The following NOC3L variants were observed in gnomAD, a reference collection of about 807,000 sequenced individuals.
NOC3L encodes nucleolar complex protein 3 homolog.
In NOC3L, 85 loss-of-function variants were observed where a neutral mutation model predicts 102.5. That is an observed-to-expected ratio of 0.83 (90% CI 0.70 to 0.99). The LOEUF is 0.99. NOC3L is among the 50% of genes least tolerant of loss of function. The probability of loss-of-function intolerance (pLI) is 0.00; values close to 1 mark genes in which losing one functional copy is unlikely to be tolerated. For synonymous variants in NOC3L, 303 were observed against 309.4 expected (o/e 0.98, Z 0.22); for missense variants, 878 against 914.9 (o/e 0.96, Z 0.52).
downstream of NOC3L, chr10:94,332,499 G>GT (rs1352871318): frequency 3.5e-5 from 4 of 113,414 alleles, no homozygotes; most frequent in African/African-American, 1.5e-4. Context: ...CAGGATATGT[G>GT]TGTGCCTGTG....
At chr10:94,342,332 C>G (rs1259144982) in intron 13 of NOC3L, among the ~76,000 whole-genome samples, 1 of 152,048 alleles carries the variant, frequency 6.6e-6, no homozygotes, top group Non-Finnish European at 1.5e-5. Context: ...ACTCCATATA[C>G]TATAGTAGAC....
intron 14 of NOC3L, 90 bp downstream of exon 14, chr10:94,341,583 G>A: frequency 1.7e-6 from 1 of 585,356 alleles, no homozygotes; most frequent in Non-Finnish European, 2.8e-6. Context: ...GGGTTTTACT[G>A]TATACAAAAT....
chr10:94,358,545 T>C (rs1321483988), intron 2 of NOC3L, among the ~76,000 whole-genome samples: 2 of 152,224 alleles, frequency 1.3e-5, no homozygotes, highest in Non-Finnish European at 2.9e-5. Flanking sequence ...AAAAACTAAA[T>C]GTCTCCACAT....
At position 94,362,872 on chromosome 10, in the gene NOC3L, T is replaced by A; in HGVS notation, c.-34A>T. On this transcript the variant is annotated 5_prime_UTR_variant, in exon 1 of 21. Coordinates refer to ENST00000371361, the MANE Select transcript of NOC3L (RefSeq NM_022451.11). ...CTTAAATGAATGCCGGCCAGACAAGTTCACCAGAAGCAGGGTTACTACAGA... is the reference window on the plus strand; with the variant it reads ...CTTAAATGAATGCCGGCCAGACAAGATCACCAGAAGCAGGGTTACTACAGA... 2 of 1,613,910 alleles carry A rather than the reference T, an allele frequency of 1.2e-6. No individual in the cohort carries two copies. Among genetic ancestry groups the A allele is most frequent in the South Asian group, 1.1e-5 (1 of 91,078 alleles).
At chr10:94,320,135 ACTCT>A in the NOC3L span, among the ~76,000 whole-genome samples, 1 of 151,638 alleles carries the variant, frequency 6.6e-6, no homozygotes, top group African/African-American at 2.4e-5. Context: ...TCTCAATCTT[ACTCT>A]CTGACTGGTT....
intron 3 of NOC3L, 123 bp downstream of exon 3, chr10:94,357,960 A>T (rs2054507147): frequency 1.5e-6 from 1 of 681,374 alleles, no homozygotes; most frequent in African/African-American, 1.8e-5. Flanking sequence ...AAGCTAAATA[A>T]TACTTTATTC....
chr10:94,346,709 T>C (rs1238937377), intron 10 of NOC3L, among the ~76,000 whole-genome samples, 153 bp from the exon 11 acceptor site: 1 of 152,212 alleles, frequency 6.6e-6, no homozygotes, highest in Non-Finnish European at 1.5e-5. Flanking sequence ...TTCTTTTATC[T>C]GTATGCTATA....
the NOC3L span, among the ~76,000 whole-genome samples, chr10:94,326,147 A>C: frequency 6.6e-6 from 1 of 152,206 alleles, no homozygotes; most frequent in Non-Finnish European, 1.5e-5. Context: ...GTTCCATGGT[A>C]GTTCACAGAT....
chr10:94,331,870 T>A (rs1416222347), downstream of NOC3L: 1 of 18,834 alleles, frequency 5.3e-5, no homozygotes, highest in Non-Finnish European at 1.3e-4. Flanking sequence ...CAAGTTATTC[T>A]TTTTTTTTTT....
chr10:94,350,097 A>G lies in NOC3L; in HGVS notation c.1128+16T>C. 1.2e-6 allele frequency: 2 copies of G among 1,613,188 alleles called. No homozygotes were observed. Among genetic ancestry groups the G allele is most frequent in the Non-Finnish European group, 1.7e-6 (2 of 1,179,372 alleles). On this transcript the variant is annotated intron_variant, in intron 9 of 20. Transcript: ENST00000371361. ...TTTTCTAAGGAGGACAGCAATAACCATTTACAGCAACTCACCAATTTTGAC... is the reference window on the plus strand; with the variant it reads ...TTTTCTAAGGAGGACAGCAATAACCGTTTACAGCAACTCACCAATTTTGAC...
intron 8 of NOC3L, among the ~76,000 whole-genome samples, chr10:94,352,022 C>T (rs540753459): frequency 6.6e-6 from 1 of 152,252 alleles, no homozygotes; most frequent in Admixed American, 6.5e-5. Context: ...CTGTTTAAAG[C>T]ACCTCATATC....
the NOC3L span, among the ~76,000 whole-genome samples, chr10:94,320,424 C>T: frequency 6.6e-6 from 1 of 152,218 alleles, no homozygotes; most frequent in East Asian, 1.9e-4. Flanking sequence ...TTGGGGCAAG[C>T]TTCAGAAGCC....
rs746618841 is a variant in NOC3L, at chr10:94,362,835, T to C, written c.4A>G (p.Lys2Glu). ...GGGCTTTTGAGGACACTTACCGCCT[T>C]CATCCTTAGGCCTTAAATGAATGCC... M[K>E]ARRNKKQIPS... is the part of the protein sequence containing the mutation. The change falls in exon 1 of 21, where the codon AAG becomes GAG. Residue 2 changes from lysine (K) to glutamate (E), a missense_variant. Lys to Glu is a moderately conservative substitution (Grantham distance 56). Coordinates refer to ENST00000371361, the MANE Select transcript of NOC3L (RefSeq NM_022451.11). 3.1e-6 allele frequency: 5 copies of C among 1,614,080 alleles called. No homozygotes were observed. Among genetic ancestry groups the C allele is most frequent in the Non-Finnish European group, 4.2e-6 (5 of 1,180,044 alleles).
chr10:94,358,161 A>G lies in NOC3L; in HGVS notation c.272T>C (p.Met91Thr), dbSNP rs775366384. The G allele has an allele frequency of 3.1e-6, 5 of 1,610,980 alleles. No homozygotes were observed. In the South Asian group the frequency reaches 3.3e-5, roughly 11 times the overall value. Reference protein sequence around the residue: ...EEEEEALPLDMMDEDDLQLMK... With the variant: ...EEEEEALPLDTMDEDDLQLMK... ...TAACTGTAAGTCATCTTCATCCATCATATCTAAAGGAAGGGCTTCTTCTTC... is the reference window on the plus strand; with the variant it reads ...TAACTGTAAGTCATCTTCATCCATCGTATCTAAAGGAAGGGCTTCTTCTTC... The change falls in exon 3 of 21, where the codon ATG becomes ACG. Residue 91 changes from methionine (M) to threonine (T), a missense_variant. Coordinates refer to ENST00000371361, the MANE Select transcript of NOC3L (RefSeq NM_022451.11).
At chr10:94,362,573 G>A (rs1030141881) in intron 1 of NOC3L, among the ~76,000 whole-genome samples, 2 of 152,096 alleles carry the variant, frequency 1.3e-5, no homozygotes, top group Non-Finnish European at 2.9e-5. Context: ...TTCGAAAGAC[G>A]GTCTTGAAAA....
At chr10:94,357,403 A>G (rs2134011229) in intron 3 of NOC3L, 72 bp from the exon 4 acceptor site, 1 of 1,330,612 alleles carries the variant, frequency 7.5e-7, no homozygotes, top group East Asian at 2.6e-5. Context: ...TATCATTTCA[A>G]AAGTACAGAA....
At chr10:94,324,230 T>C in the NOC3L span, 2 of 814,606 alleles carry the variant, frequency 2.5e-6, no homozygotes, top group African/African-American at 3.4e-5. Flanking sequence ...TGAAATGATC[T>C]GGAAGATCCC....
chr10:94,357,992 G>A, intron 3 of NOC3L, 91 bp downstream of exon 3: 1 of 780,702 alleles, frequency 1.3e-6, no homozygotes. Context: ...TGTGCTCAAA[G>A]GTGAACACCT....
chr10:94,350,596 T>C (rs2054403188), intron 8 of NOC3L, among the ~76,000 whole-genome samples: 1 of 151,168 alleles, frequency 6.6e-6, no homozygotes, highest in African/African-American at 2.4e-5. Context: ...CACACGCCTG[T>C]AGTCCCAGCT....
Sources: allele counts gnomAD v4.1 joint callset (sites outside exome capture counted in the v4.1 genomes callset), GRCh38; gene constraint gnomAD v4.1.1; transcripts MANE v1.5; gene names NCBI Gene and HGNC (gene_info 2026-07-23, HGNC 2026-07-21).